Variants in GABPB1 observed in about 807,000 individuals in gnomAD.
GABPB1 encodes GA binding protein transcription factor subunit beta 1, also known as GA-binding protein subunit beta-1.
GABPB1 carries 15 observed loss-of-function variants against 45.9 expected under a neutral mutation model. The observed-to-expected ratio is 0.33, with a 90% CI of 0.22 to 0.50. The LOEUF (loss-of-function observed/expected upper bound fraction) is 0.50. Ranked by LOEUF, GABPB1 falls within the 20% of genes least tolerant of loss-of-function variation. The pLI is 0.98. For missense variants in GABPB1, 252 were observed against 457.5 expected, an observed-to-expected ratio of 0.55 and a Z score of 4.10; for synonymous variants, 143 against 154.4, an observed-to-expected ratio of 0.93 and a Z score of 0.55.
At chr15:50,314,813 T>C (rs2047258371) in intron 1 of GABPB1, 3 of 152,368 alleles carry the variant, frequency 2.0e-5, no homozygotes, top group Middle Eastern at 3.4e-3. Context: ...AATGCAGCCA[T>C]ACTATAAATC....
chr15:50,346,810 CAG>C (rs2048604564), intron 1 of GABPB1, among the ~76,000 whole-genome samples: 1 of 121,500 alleles, frequency 8.2e-6, no homozygotes, highest in Admixed American at 8.7e-5. Flanking sequence ...TTTTTTGAGA[CAG>C]AGTCTCACTC....
chr15:50,347,383 CCATA>C (rs2048629758), intron 1 of GABPB1: 2 of 151,930 alleles, frequency 1.3e-5, no homozygotes, highest in Admixed American at 1.3e-4. Context: ...CACTTACACA[CCATA>C]CAAATTTTTT....
At chr15:50,280,044 C>T (rs1331027300) in intron 8 of GABPB1, among the ~76,000 whole-genome samples, 2 of 152,146 alleles carry the variant, frequency 1.3e-5, no homozygotes, top group Non-Finnish European at 2.9e-5. Flanking sequence ...TCCTTCCCCA[C>T]AATGGGAATG....
intron 1 of GABPB1, chr15:50,352,396 G>C (rs546033978): frequency 6.6e-6 from 1 of 150,874 alleles, no homozygotes; most frequent in Non-Finnish European, 1.5e-5. Context: ...ATGCAATGGC[G>C]CTATCTTGGC....
At chr15:50,292,186 C>A (rs945085147) in intron 6 of GABPB1, among the ~76,000 whole-genome samples, 4 of 150,938 alleles carry the variant, frequency 2.7e-5, no homozygotes, top group Non-Finnish European at 5.9e-5. Context: ...CGGTGGTGGG[C>A]GCCTCTAGTC....
intron 1 of GABPB1, among the ~76,000 whole-genome samples, chr15:50,314,165 C>G (rs28592175): frequency 1.4e-3 from 214 of 150,964 alleles, no homozygotes; most frequent in African/African-American, 5.0e-3. Context: ...TACAGCCATA[C>G]GGTAGATTTA....
At chr15:50,326,486 C>T (rs1397193647) in intron 1 of GABPB1, among the ~76,000 whole-genome samples, 2 of 151,664 alleles carry the variant, frequency 1.3e-5, no homozygotes, top group African/African-American at 2.4e-5. Flanking sequence ...GGTGAAACCC[C>T]GTCTCTACTA....
intron 7 of GABPB1, 81 bp from the exon 8 acceptor site, chr15:50,286,264 G>T: frequency 2.2e-6 from 2 of 921,968 alleles, no homozygotes; most frequent in Non-Finnish European, 1.5e-6. Flanking sequence ...CATTGTTGAT[G>T]CTACTCATCT....
chr15:50,313,936 TACTA>T (rs1225929774), intron 1 of GABPB1, among the ~76,000 whole-genome samples: 4 of 152,144 alleles, frequency 2.6e-5, no homozygotes, highest in African/African-American at 9.7e-5. Flanking sequence ...GTTCCTGACT[TACTA>T]GAGAGGATGA....
At chr15:50,340,622 G>C (rs1167090613) in intron 1 of GABPB1, among the ~76,000 whole-genome samples, 1 of 147,086 alleles carries the variant, frequency 6.8e-6, no homozygotes, top group Admixed American at 6.8e-5. Flanking sequence ...TAACACATGA[G>C]ATCTTTTCCT....
chr15:50,297,326 C>T (rs2046557187), intron 6 of GABPB1, among the ~76,000 whole-genome samples: 1 of 150,948 alleles, frequency 6.6e-6, no homozygotes, highest in Non-Finnish European at 1.5e-5. Flanking sequence ...CATTCTCCTG[C>T]CTCAGCCTCC....
chr15:50,319,816 C>T (rs1445707031), intron 1 of GABPB1, among the ~76,000 whole-genome samples: 6 of 151,756 alleles, frequency 4.0e-5, no homozygotes, highest in African/African-American at 7.2e-5. Context: ...CCAGCCCAGG[C>T]GACAGAGTGA....
At chr15:50,301,962 G>A (rs2046766993) in intron 4 of GABPB1, among the ~76,000 whole-genome samples, 1 of 152,184 alleles carries the variant, frequency 6.6e-6, no homozygotes, top group Admixed American at 6.5e-5. Context: ...AGGCATGGTA[G>A]AATTCATTTT....
intron 1 of GABPB1, among the ~76,000 whole-genome samples, chr15:50,336,011 A>G (rs2048110990): frequency 6.6e-6 from 1 of 151,780 alleles, no homozygotes; most frequent in Non-Finnish European, 1.5e-5. Flanking sequence ...AACAACCCAG[A>G]TTTGAATTGC....
At chr15:50,338,980 G>A (rs2048244927) in intron 1 of GABPB1, among the ~76,000 whole-genome samples, 1 of 151,884 alleles carries the variant, frequency 6.6e-6, no homozygotes, top group Admixed American at 6.6e-5. Context: ...AGCCAACATA[G>A]TGAAACCCCA....
At chr15:50,324,979 CT>C in intron 1 of GABPB1, among the ~76,000 whole-genome samples, 1 of 152,228 alleles carries the variant, frequency 6.6e-6, no homozygotes, top group Non-Finnish European at 1.5e-5. Context: ...TGTTTCTTGT[CT>C]CCACTTTTTA....
intron 1 of GABPB1, among the ~76,000 whole-genome samples, chr15:50,334,961 C>A (rs773789267): frequency 6.6e-6 from 1 of 152,088 alleles, no homozygotes; most frequent in South Asian, 2.1e-4. Context: ...CTTGTCTCCT[C>A]GTACGTCTAG....
intron 1 of GABPB1, chr15:50,354,236 G>A (rs2048983869): frequency 8.5e-6 from 3 of 354,472 alleles, no homozygotes; most frequent in South Asian, 6.0e-5. Context: ...CTGAGGCAGT[G>A]CACCCGCAGT....
chr15:50,339,085 T>G (rs1268090501), intron 1 of GABPB1, among the ~76,000 whole-genome samples: 2 of 152,104 alleles, frequency 1.3e-5, no homozygotes, highest in Non-Finnish European at 2.9e-5. Flanking sequence ...GGCAGATCAC[T>G]CAGGTGACCC....
Sources: gnomAD v4.1 joint callset for allele counts (sites outside exome capture counted in the v4.1 genomes callset) on GRCh38, gnomAD v4.1.1 for gene constraint, MANE v1.5 for transcripts, NCBI Gene and HGNC (gene_info 2026-07-23, HGNC 2026-07-21) for gene names.